Variants in MAS1 observed in about 807,000 individuals in gnomAD.
MAS1 encodes the protein MAS1 proto-oncogene, G protein-coupled receptor, also known as proto-oncogene Mas.
For missense variants in MAS1, 387 were observed against 409.7 expected (o/e 0.94, Z 0.48); for synonymous variants, 163 against 164.2 (o/e 0.99, Z 0.05).
At chr6:159,893,014 G>A (rs543880085) in intron 1 of MAS1, among the ~76,000 whole-genome samples, 9 of 152,306 alleles carry the variant, frequency 5.9e-5, no homozygotes, top group African/African-American at 1.2e-4. Flanking sequence ...CCAAGCAGCC[G>A]TAGGCACAAG....
At chr6:159,895,786 T>C (rs888769028) in intron 1 of MAS1, among the ~76,000 whole-genome samples, 12 of 152,238 alleles carry the variant, frequency 7.9e-5, no homozygotes, top group African/African-American at 2.2e-4. Flanking sequence ...ATTAATATAA[T>C]TGGCATGGTT....
At chr6:159,892,151 C>G (rs1782706616) in intron 1 of MAS1, among the ~76,000 whole-genome samples, 1 of 152,088 alleles carries the variant, frequency 6.6e-6, no homozygotes, top group African/African-American at 2.4e-5. Context: ...TACAGATGGC[C>G]CTAGTGTGGG....
chr6:159,907,614 C>T lies in MAS1; in HGVS notation c.659C>T (p.Ala220Val). ...GTGAAGATCCGGAAGAACACGTGGG[C>T]TTCCCATTCCTCCAAGCTTTACATA... ...LVVKIRKNTW[A>V]SHSSKLYIVI... The change falls in exon 3 of 3, where the codon GCT (alanine) becomes GTT (valine). Residue 220 changes from alanine to valine, a missense_variant. By Grantham distance (64) the Ala-to-Val change is moderately conservative (BLOSUM62 0). Coordinates refer to ENST00000674077, the MANE Select transcript of MAS1 (RefSeq NM_002377.4). The T allele has an allele frequency of 6.2e-7, 1 of 1,613,880 alleles. No homozygotes were observed.
chr6:159,917,406 G>T lies in MAS1; in HGVS notation c.*9473G>T, dbSNP rs752392373. 6.6e-6 allele frequency among the ~76,000 whole-genome samples: 1 copy of T among 152,174 alleles called. No homozygotes were observed. The highest frequency in any genetic ancestry group is 1.5e-5 in the Non-Finnish European group (1 of 68,036). ...TCTCTGGATTCAGAGGGAATTATTG[G>T]AACTTTTCAGAGATCAGGAATAAAA... On this transcript the variant is annotated 3_prime_UTR_variant, in exon 3 of 3. Transcript: ENST00000674077.
intron 1 of MAS1, among the ~76,000 whole-genome samples, chr6:159,892,919 A>T (rs186658409): frequency 1.2e-3 from 182 of 152,296 alleles, no homozygotes; most frequent in African/African-American, 4.2e-3. Context: ...CCAGCATGTG[A>T]AGCAGTTGAG....
chr6:159,907,530 C>G lies in MAS1; in HGVS notation c.575C>G (p.Ala192Gly). ...TGCCGAGCAGTCATCATCTTTATAG[C>G]CATCCTGAGCTTCCTGGTCTTCACG... ...NDCRAVIIFI[A>G]ILSFLVFTPL... is the part of the protein sequence containing the mutation. Residue 192 changes from alanine to glycine, a missense_variant, in exon 3 of 3, where the codon GCC (alanine) becomes GGC (glycine). By Grantham distance (60) the Ala-to-Gly change is moderately conservative. Transcript: ENST00000674077. 1 of 1,614,034 alleles carries G rather than the reference C, an allele frequency of 6.2e-7. No individual in the cohort carries two copies. Among genetic ancestry groups the G allele is most frequent in the South Asian group, 1.1e-5 (1 of 91,078 alleles).
chr6:159,890,586 A>G (rs149253763), upstream of MAS1, among the ~76,000 whole-genome samples: 1 of 152,220 alleles, frequency 6.6e-6, no homozygotes, highest in African/African-American at 2.4e-5. Flanking sequence ...CTCTGGGTCT[A>G]TACATAGACT....
intron 1 of MAS1, among the ~76,000 whole-genome samples, chr6:159,896,549 A>G (rs775422536): frequency 6.6e-6 from 1 of 152,218 alleles, no homozygotes; most frequent in African/African-American, 2.4e-5. Flanking sequence ...TTTTAATAGT[A>G]GTTGTATGTG....
intron 2 of MAS1, chr6:159,902,393 T>C (rs1488447273): frequency 6.6e-6 from 1 of 152,186 alleles, no homozygotes; most frequent in African/African-American, 2.4e-5. Context: ...CAGGCTCATC[T>C]GAAGCGAGAT....
Position 159,907,101 on chromosome 6 carries a change from A to C in MAS1, c.146A>C (p.Glu49Ala), listed in dbSNP as rs1374797398. 1 of 1,614,184 alleles carries C rather than the reference A, an allele frequency of 6.2e-7. No individual in the cohort carries two copies. Among genetic ancestry groups the C allele is most frequent in the South Asian group, 1.1e-5 (1 of 91,082 alleles). ...AGCATCTCCCCAGTGGGGTTTGTTG[A>C]GAATGGGATTCTCCTCTGGTTCCTG... The part of the protein sequence containing the change: ...IMSISPVGFV[E>A]NGILLWFLCF... The change falls in exon 3 of 3, where the codon GAG becomes GCG. Residue 49 changes from glutamate to alanine, a missense_variant. Physicochemically the swap from Glu to Ala is moderately radical, Grantham distance 107. Coordinates refer to ENST00000674077, the MANE Select transcript of MAS1 (RefSeq NM_002377.4).
chr6:159,910,093 C>G lies in MAS1; in HGVS notation c.*2160C>G, dbSNP rs1782947895. The G allele has an allele frequency of 1.3e-5, 2 of 152,202 alleles. No individual in the cohort carries two copies. Among genetic ancestry groups the G allele is most frequent in the Admixed American group, 1.3e-4 (2 of 15,278 alleles). The allele number at this position is 152,202 out of a possible 1,614,324, so 9.4% of individuals were successfully genotyped here. A position where few individuals can be genotyped will look rare whatever the true frequency, so the allele number is the denominator to read the frequency against. ...TACTAAATCATTTGTATCCTTTAGG[C>G]ATTCAGACAATTTGCCTAAGTCATT... On this transcript the variant is annotated 3_prime_UTR_variant, in exon 3 of 3. Coordinates refer to ENST00000674077, the MANE Select transcript of MAS1 (RefSeq NM_002377.4).
At position 159,913,278 on chromosome 6, in the gene MAS1, G is replaced by C. The variant is rs1017182673; in HGVS notation, c.*5345G>C. Reference sequence around the variant, plus strand: ...CTTGGGAGGCTGAGGCAGGAGAATTGCTTGAACCTGGGAGGCGGAGGTTGC... The same window carrying C: ...CTTGGGAGGCTGAGGCAGGAGAATTCCTTGAACCTGGGAGGCGGAGGTTGC... On this transcript the variant is annotated 3_prime_UTR_variant, in exon 3 of 3. Coordinates refer to ENST00000674077, the MANE Select transcript of MAS1 (RefSeq NM_002377.4). 6.6e-6 allele frequency: 1 copy of C among 152,268 alleles called. No individual in the cohort carries two copies. The highest frequency in any genetic ancestry group is 2.4e-5 in the African/African-American group (1 of 41,450). The allele number at this position is 152,268 out of a possible 1,614,324, so 9.4% of individuals were successfully genotyped here.
At chr6:159,903,924 T>C (rs552991888) in intron 2 of MAS1, among the ~76,000 whole-genome samples, 2 of 152,300 alleles carry the variant, frequency 1.3e-5, no homozygotes, top group South Asian at 4.1e-4. Flanking sequence ...TTTTGTCCAG[T>C]CTACTGAAAA....
At chr6:159,893,409 T>C (rs1296434546) in intron 1 of MAS1, among the ~76,000 whole-genome samples, 1 of 151,902 alleles carries the variant, frequency 6.6e-6, no homozygotes, top group Non-Finnish European at 1.5e-5. Context: ...GGAGCACTGG[T>C]CCAACAGGAA....
At position 159,912,337 on chromosome 6, in the gene MAS1, C is replaced by G. The variant is rs1265910420; in HGVS notation, c.*4404C>G. 6.6e-6 allele frequency: 1 copy of G among 152,202 alleles called. No individual in the cohort carries two copies. Among genetic ancestry groups the G allele is most frequent in the Non-Finnish European group, 1.5e-5 (1 of 68,042 alleles). The allele number at this position is 152,202 out of a possible 1,614,324, so 9.4% of individuals were successfully genotyped here. ...GTTGAAATTTGTCTTTTTACTCAAC[C>G]TCTTCTTAAATTAGGAATCACTTCT... On this transcript the variant is annotated 3_prime_UTR_variant, in exon 3 of 3. Coordinates refer to ENST00000674077, the MANE Select transcript of MAS1 (RefSeq NM_002377.4).
rs536283556 is a variant in MAS1, at chr6:159,909,389, C to G, written c.*1456C>G. On this transcript the variant is annotated 3_prime_UTR_variant, in exon 3 of 3. Transcript: ENST00000674077. Reference sequence around the variant, plus strand: ...TGTTCTCTGTTGCTGCTTGTCCTTCCCCATCCTCTTCCTTTCTCAAAAGAA... The same window carrying G: ...TGTTCTCTGTTGCTGCTTGTCCTTCGCCATCCTCTTCCTTTCTCAAAAGAA... 3 of 152,264 alleles carry G rather than the reference C, an allele frequency of 2.0e-5. No individual in the cohort carries two copies. The highest frequency in any genetic ancestry group is 2.9e-5 in the Non-Finnish European group (2 of 68,026). The allele number at this position is 152,264 out of a possible 1,614,324, so 9.4% of individuals were successfully genotyped here.
upstream of MAS1, among the ~76,000 whole-genome samples, chr6:159,890,565 C>G (rs1018234753): frequency 6.6e-6 from 1 of 152,216 alleles, no homozygotes; most frequent in African/African-American, 2.4e-5. Flanking sequence ...CCATGTGTCT[C>G]CCGTATGTCT....
Position 159,914,991 on chromosome 6 carries a change from G to A in MAS1, c.*7058G>A, listed in dbSNP as rs1051973607. The A allele has an allele frequency of 3.3e-5, 5 of 152,176 alleles. No homozygotes were observed. Among genetic ancestry groups the A allele is most frequent in the African/African-American group, 1.2e-4 (5 of 41,418 alleles). The allele number at this position is 152,176 out of a possible 1,614,324, so 9.4% of individuals were successfully genotyped here. ...GCTTCTTTCAATTCTGTGGACCTAG[G>A]GGGTTTCTCAGCTTCTCCCCAAAGT... On this transcript the variant is annotated 3_prime_UTR_variant, in exon 3 of 3. Transcript: ENST00000674077.
At position 159,907,244 on chromosome 6, in the gene MAS1, C is replaced by T. The variant is rs768986845; in HGVS notation, c.289C>T (p.Leu97Phe). ...LSIDYALDYE[L>F]SSGHYYTIVT... ...TATCGACTATGCTTTAGATTATGAG[C>T]TTTCTTCTGGCCATTACTACACAAT... The change falls in exon 3 of 3, where the codon CTT becomes TTT. Residue 97 changes from leucine to phenylalanine, a missense_variant. Physicochemically the swap from Leu to Phe is conservative, Grantham distance 22. Coordinates refer to ENST00000674077, the MANE Select transcript of MAS1 (RefSeq NM_002377.4). 2 of 1,614,174 alleles carry T rather than the reference C, an allele frequency of 1.2e-6. No individual in the cohort carries two copies. The highest frequency in any genetic ancestry group is 4.5e-5 in the East Asian group (2 of 44,882).
Sources: allele counts gnomAD v4.1 joint callset (sites outside exome capture counted in the v4.1 genomes callset), GRCh38; gene constraint gnomAD v4.1.1; transcripts MANE v1.5; gene names NCBI Gene and HGNC (gene_info 2026-07-23, HGNC 2026-07-21).